RGS7BP: variants seen among roughly 807,000 people sequenced by gnomAD.
RGS7BP encodes regulator of G protein signaling 7 binding protein.
A neutral mutation model predicts 31.3 loss-of-function variants in RGS7BP; 9 were observed. That is an observed-to-expected ratio of 0.29 (90% CI 0.17 to 0.50). The LOEUF is 0.50. Among genes scored for constraint, RGS7BP ranks in the 20% least tolerant of loss-of-function variants. The pLI, the probability that RGS7BP is intolerant of heterozygous loss-of-function variation, is 0.98. For missense variants in RGS7BP, 274 were observed against 322.0 expected (o/e 0.85, Z 1.14); for synonymous variants, 115 against 120.1 (o/e 0.96, Z 0.28).
chr5:64,532,164 A>C (rs1207124439), intron 2 of RGS7BP, among the ~76,000 whole-genome samples: 1 of 152,226 alleles, frequency 6.6e-6, no homozygotes, highest in East Asian at 1.9e-4. Context: ...ATTTATACTT[A>C]AAGTTGGACT....
chr5:64,538,187 C>T (rs1741421613), intron 2 of RGS7BP, among the ~76,000 whole-genome samples: 1 of 152,016 alleles, frequency 6.6e-6, no homozygotes, highest in Admixed American at 6.6e-5. Context: ...TTTTTTCTGT[C>T]TCCCTAATTT....
chr5:64,571,361 T>A (rs1262843766), intron 2 of RGS7BP, among the ~76,000 whole-genome samples: 1 of 152,202 alleles, frequency 6.6e-6, no homozygotes, highest in Non-Finnish European at 1.5e-5. Flanking sequence ...TTGGGGTTAA[T>A]CTAAATAAAA....
Position 64,604,794 on chromosome 5 carries a change from C to A in RGS7BP, c.683-4367C>A, listed in dbSNP as rs543459875. 3.0e-4 allele frequency among the ~76,000 whole-genome samples: 45 copies of A among 151,440 alleles called. No individual in the cohort carries two copies. In the South Asian group the frequency reaches 8.9e-3, roughly 30 times the overall value. On this transcript the variant is annotated intron_variant, in intron 5 of 5. Coordinates refer to ENST00000334025, the MANE Select transcript of RGS7BP (RefSeq NM_001029875.3). ...ATTCCTTATCACCTATATAAGAAAT[C>A]TTTTATCAGCAAAATAAATTTGAGC...
intron 4 of RGS7BP, among the ~76,000 whole-genome samples, chr5:64,596,769 A>G (rs943020452): frequency 6.6e-6 from 1 of 152,138 alleles, no homozygotes; most frequent in Non-Finnish European, 1.5e-5. Flanking sequence ...TTTCCAATCA[A>G]TTATTACTGA....
intron 2 of RGS7BP, among the ~76,000 whole-genome samples, chr5:64,566,914 G>A (rs1160745127): frequency 6.8e-6 from 1 of 147,592 alleles, no homozygotes; most frequent in Non-Finnish European, 1.5e-5. Context: ...GGGCCCTTAT[G>A]GTCTTTCTGT....
At chr5:64,509,190 GGAGA>G (rs1265570923) in intron 2 of RGS7BP, among the ~76,000 whole-genome samples, 1 of 151,970 alleles carries the variant, frequency 6.6e-6, no homozygotes, top group African/African-American at 2.4e-5. Flanking sequence ...TCTCAGACAA[GGAGA>G]GAGACAGAAA....
intron 2 of RGS7BP, among the ~76,000 whole-genome samples, chr5:64,548,648 AG>A (rs976691537): frequency 5.3e-5 from 8 of 152,016 alleles, no homozygotes; most frequent in Non-Finnish European, 1.0e-4. Flanking sequence ...CTGGGATTAC[AG>A]GCACCCACCA....
chr5:64,542,441 C>T (rs990411404), intron 2 of RGS7BP, among the ~76,000 whole-genome samples: 1 of 152,212 alleles, frequency 6.6e-6, no homozygotes, highest in Admixed American at 6.5e-5. Flanking sequence ...TACAGGACTA[C>T]CTCCCAATCT....
At chr5:64,534,272 G>A (rs570320894) in intron 2 of RGS7BP, among the ~76,000 whole-genome samples, 1 of 152,256 alleles carries the variant, frequency 6.6e-6, no homozygotes, top group African/African-American at 2.4e-5. Context: ...TGAGAGGCAG[G>A]AAAGCAGGAC....
chr5:64,523,723 A>G (rs1749165983), intron 2 of RGS7BP, among the ~76,000 whole-genome samples: 1 of 152,252 alleles, frequency 6.6e-6, no homozygotes. Context: ...GCTTTGAATT[A>G]TTAATGAAGA....
At chr5:64,603,259 C>G (rs1223857783) in intron 5 of RGS7BP, among the ~76,000 whole-genome samples, 2 of 152,106 alleles carry the variant, frequency 1.3e-5, no homozygotes, top group Non-Finnish European at 2.9e-5. Flanking sequence ...AAGGAAGAAA[C>G]CCAAGTTCAG....
At chr5:64,515,182 TA>T (rs1748942280) in intron 2 of RGS7BP, among the ~76,000 whole-genome samples, 1 of 152,176 alleles carries the variant, frequency 6.6e-6, no homozygotes, top group African/African-American at 2.4e-5. Context: ...AATCTATTCT[TA>T]AAAGAAGCCA....
intron 2 of RGS7BP, among the ~76,000 whole-genome samples, chr5:64,552,271 T>C (rs557602771): frequency 8.2e-5 from 12 of 145,714 alleles, no homozygotes; most frequent in Non-Finnish European, 1.6e-4. Flanking sequence ...AAAATTTCTG[T>C]TCTTATTTTC....
At chr5:64,543,978 T>C (rs1412262465) in intron 2 of RGS7BP, among the ~76,000 whole-genome samples, 1 of 152,242 alleles carries the variant, frequency 6.6e-6, no homozygotes, top group Non-Finnish European at 1.5e-5. Context: ...TTTCAATGGT[T>C]CCCTTTCCAG....
chr5:64,598,601 G>C (rs1253178486), intron 5 of RGS7BP, among the ~76,000 whole-genome samples, 166 bp downstream of exon 5: 1 of 152,084 alleles, frequency 6.6e-6, no homozygotes, highest in East Asian at 1.9e-4. Flanking sequence ...GAAACTCTCT[G>C]GTGAACACAG....
intron 2 of RGS7BP, among the ~76,000 whole-genome samples, chr5:64,561,566 A>T (rs570155337): frequency 1.3e-5 from 2 of 152,182 alleles, no homozygotes; most frequent in South Asian, 4.1e-4. Context: ...TCATAGACTC[A>T]TTGTGAGAAT....
intron 3 of RGS7BP, among the ~76,000 whole-genome samples, chr5:64,582,134 C>G (rs1261521556): frequency 6.6e-6 from 1 of 152,230 alleles, no homozygotes; most frequent in Non-Finnish European, 1.5e-5. Context: ...GTTGTTCTCA[C>G]TTCTTCACAG....
chr5:64,564,073 A>T (rs1482668008), intron 2 of RGS7BP, among the ~76,000 whole-genome samples: 1 of 152,168 alleles, frequency 6.6e-6, no homozygotes, highest in Non-Finnish European at 1.5e-5. Context: ...CCTATCTCTT[A>T]ACATTGAATA....
chr5:64,544,609 G>T (rs1238065466), intron 2 of RGS7BP, among the ~76,000 whole-genome samples: 2 of 152,070 alleles, frequency 1.3e-5, no homozygotes, highest in Non-Finnish European at 2.9e-5. Flanking sequence ...AGGAGTTCAA[G>T]GTTGCAGTAA....
Sources: allele counts gnomAD v4.1 joint callset (sites outside exome capture counted in the v4.1 genomes callset), GRCh38; gene constraint gnomAD v4.1.1; transcripts MANE v1.5; gene names NCBI Gene and HGNC (gene_info 2026-07-23, HGNC 2026-07-21).